Variants in HERC5 observed in about 807,000 individuals in gnomAD.
HERC5 encodes the protein HECT and RLD domain containing E3 ubiquitin protein ligase 5, also known as E3 ISG15--protein ligase HERC5.
Under a neutral mutation model 119.6 loss-of-function variants are expected in HERC5, and 99 were observed. That is an observed-to-expected ratio of 0.83 (90% CI 0.70 to 0.98). HERC5 has a LOEUF of 0.98. Ranked by LOEUF, HERC5 falls within the 50% of genes least tolerant of loss-of-function variation. HERC5 has a pLI of 0.00. For missense variants in HERC5, 1,267 were observed against 1,241.3 expected (o/e 1.02, Z -0.31); for synonymous variants, 478 against 445.9 (o/e 1.07, Z -0.91).
chr4:88,462,875 G>C (rs1027655054), intron 4 of HERC5, among the ~76,000 whole-genome samples: 13 of 152,136 alleles, frequency 8.5e-5, no homozygotes, highest in African/African-American at 3.1e-4. Context: ...ATTGAACAAA[G>C]CTGATGGTGA....
intron 13 of HERC5, among the ~76,000 whole-genome samples, chr4:88,485,227 G>T (rs866051474): frequency 1.3e-5 from 2 of 152,186 alleles, no homozygotes; most frequent in African/African-American, 2.4e-5. Context: ...TCCTTTGACC[G>T]TAATAGATAA....
intron 1 of HERC5, among the ~76,000 whole-genome samples, chr4:88,459,107 G>A (rs1740310688): frequency 6.6e-6 from 1 of 152,112 alleles, no homozygotes. Flanking sequence ...TTAAGGGTAT[G>A]TTCCATTTAC....
chr4:88,468,202 T>G, intron 7 of HERC5, 144 bp from the exon 8 acceptor site: 1 of 595,004 alleles, frequency 1.7e-6, no homozygotes, highest in Non-Finnish European at 2.8e-6. Context: ...TTCAGCTGCT[T>G]AATTGGCAGA....
Position 88,493,133 on chromosome 4 carries a change from C to G in HERC5, c.2255C>G (p.Ser752Cys). 6.2e-7 allele frequency: 1 copy of G among 1,613,738 alleles called. No individual in the cohort carries two copies. The highest frequency in any genetic ancestry group is 8.5e-7 in the Non-Finnish European group (1 of 1,179,848). The change falls in exon 17 of 23, where the codon TCC becomes TGC. Residue 752 changes from serine (S) to cysteine (C), a missense_variant. Around this residue, in one of 3 missense-constraint regions of HERC5, gnomAD observed 473 missense variants for 445.7 expected, o/e 1.06. Transcript: ENST00000264350. ...YGMFMYPEGA[S>C]CMWFPVKPKF... Reference sequence around the variant, plus strand: ...ATGTTCATGTATCCTGAAGGGGCTTCCTGCATGTGGTTTCCTGTCAAGGTA... The same window carrying G: ...ATGTTCATGTATCCTGAAGGGGCTTGCTGCATGTGGTTTCCTGTCAAGGTA...
intron 22 of HERC5, 142 bp downstream of exon 22, chr4:88,504,739 C>T (rs1742056649): frequency 2.3e-6 from 1 of 433,204 alleles, no homozygotes; most frequent in Non-Finnish European, 4.2e-6. Context: ...TGTGTCCCAA[C>T]ATCAAAAAAC....
At chr4:88,504,105 C>A in intron 20 of HERC5, 127 bp from the exon 21 acceptor site, 2 of 558,162 alleles carry the variant, frequency 3.6e-6, no homozygotes, top group Non-Finnish European at 6.3e-6. Flanking sequence ...TCTCTAGTAA[C>A]TATGACAGTC....
intron 13 of HERC5, among the ~76,000 whole-genome samples, chr4:88,479,899 C>T (rs1291339954): frequency 6.6e-6 from 1 of 151,974 alleles, no homozygotes; most frequent in Non-Finnish European, 1.5e-5. Flanking sequence ...AACCCCGTCT[C>T]TATTAAAAAT....
At chr4:88,505,572 T>C in intron 22 of HERC5, 101 bp from the exon 23 acceptor site, 1 of 679,836 alleles carries the variant, frequency 1.5e-6, no homozygotes. Flanking sequence ...ACACTGCACA[T>C]GGGCTCCAGT....
chr4:88,491,151 G>A (rs908847046), intron 16 of HERC5, among the ~76,000 whole-genome samples: 30 of 152,158 alleles, frequency 2.0e-4, no homozygotes, highest in African/African-American at 7.0e-4. Context: ...GTAAGAAGAG[G>A]GGGAAGGGTT....
intron 13 of HERC5, among the ~76,000 whole-genome samples, chr4:88,482,029 C>G (rs1035143300): frequency 1.3e-5 from 2 of 152,150 alleles, no homozygotes; most frequent in Non-Finnish European, 2.9e-5. Context: ...TGGTGGCTTG[C>G]TGGGTGTGGT....
chr4:88,472,921 C>CTT (rs775630233), intron 11 of HERC5: 2 of 128,158 alleles, frequency 1.6e-5, no homozygotes, highest in Non-Finnish European at 3.4e-5. Flanking sequence ...TGCCTGGATT[C>CTT]TTTTTTTTTT....
In HERC5 at chr4:88,467,132, G is replaced by C; in HGVS notation, c.985G>C (p.Gly329Arg). 1.2e-6 allele frequency: 2 copies of C among 1,614,192 alleles called. No individual in the cohort carries two copies. The highest frequency in any genetic ancestry group is 2.2e-5 in the South Asian group (2 of 91,088). The change falls in exon 7 of 23, where the codon GGA becomes CGA. Residue 329 changes from glycine to arginine, a missense_variant. Coordinates refer to ENST00000264350, the MANE Select transcript of HERC5 (RefSeq NM_016323.4). Reference sequence around the variant, plus strand: ...TGGTTCTGGAAAAGATGGACAACTGGGAAATGGTGGAACACGTGACCAGCT... The same window carrying C: ...TGGTTCTGGAAAAGATGGACAACTGCGAAATGGTGGAACACGTGACCAGCT... Reference protein sequence around the residue: ...SFGSGKDGQLGNGGTRDQLMP... With the variant: ...SFGSGKDGQLRNGGTRDQLMP...
intron 6 of HERC5, among the ~76,000 whole-genome samples, chr4:88,464,708 C>A (rs1040108868): frequency 6.6e-6 from 1 of 151,922 alleles, no homozygotes; most frequent in African/African-American, 2.4e-5. Context: ...CCCACCTCAG[C>A]CTCTGGAATA....
chr4:88,458,132 G>A (rs888496713), intron 1 of HERC5: 10 of 945,348 alleles, frequency 1.1e-5, no homozygotes, highest in Middle Eastern at 5.3e-4. Flanking sequence ...TCTTTGCCTG[G>A]CTTTTAGAAA....
At position 88,505,761 on chromosome 4, in the gene HERC5, A is replaced by G; in HGVS notation, c.2958A>G (p.Arg986=). 1 of 1,607,496 alleles carries G rather than the reference A, an allele frequency of 6.2e-7. No individual in the cohort carries two copies. Among genetic ancestry groups the G allele is most frequent in the Non-Finnish European group, 8.5e-7 (1 of 1,174,008 alleles). Residue 986 remains arginine (R), a synonymous_variant, in exon 23 of 23, where the codon AGA becomes AGG. Transcript: ENST00000264350. ...TFCCPESWNE[R]DPIRALTCFS... ...GCTGTCCTGAAAGTTGGAATGAAAG[A>G]GACCCTATAAGAGCACTGACATGTT...
chr4:88,464,096 A>G (rs1182229097), intron 6 of HERC5, 111 bp downstream of exon 6: 3 of 822,140 alleles, frequency 3.6e-6, no homozygotes, highest in Non-Finnish European at 5.4e-6. Flanking sequence ...TTTTCAAATC[A>G]GTGAAAATGC....
In HERC5 at chr4:88,479,481, C is replaced by A. The variant is rs1336838966; in HGVS notation, c.1711C>A (p.Leu571Ile). Residue 571 changes from leucine (L) to isoleucine (I), a missense_variant, in exon 13 of 23, where the codon CTA (leucine) becomes ATA (isoleucine). By Grantham distance (5) the Leu-to-Ile change is conservative. Coordinates refer to ENST00000264350, the MANE Select transcript of HERC5 (RefSeq NM_016323.4). ...AEENGNVQAL[L>I]EMLKKLHRVN... Reference sequence around the variant, plus strand: ...GGAGAATGGTAATGTTCAAGCTCTCCTAGAAATGTTGAAGAAGCTGCACAG... The same window carrying A: ...GGAGAATGGTAATGTTCAAGCTCTCATAGAAATGTTGAAGAAGCTGCACAG... The A allele has an allele frequency of 6.2e-7, 1 of 1,605,422 alleles. No homozygotes were observed. Among genetic ancestry groups the A allele is most frequent in the African/African-American group, 1.3e-5 (1 of 74,280 alleles).
chr4:88,468,383 T>C lies in HERC5; in HGVS notation c.1095T>C (p.Ala365=). The C allele has an allele frequency of 6.2e-7, 1 of 1,612,256 alleles. No individual in the cohort carries two copies. Among genetic ancestry groups the C allele is most frequent in the Non-Finnish European group, 8.5e-7 (1 of 1,178,934 alleles). The part of the protein sequence containing the change: ...HTSEKELIMI[A]GGNQSILLWI... ...CAGAAAAGGAGTTAATAATGATTGCTGGAGGGAATCAAAGCATTTTGCTCT... is the reference window on the plus strand; with the variant it reads ...CAGAAAAGGAGTTAATAATGATTGCCGGAGGGAATCAAAGCATTTTGCTCT... The change falls in exon 8 of 23, where the codon GCT becomes GCC. Residue 365 remains alanine, a synonymous_variant. Coordinates refer to ENST00000264350, the MANE Select transcript of HERC5 (RefSeq NM_016323.4).
At chr4:88,479,299 A>AG in intron 12 of HERC5, 54 bp from the exon 13 acceptor site, 1 of 1,451,704 alleles carries the variant, frequency 6.9e-7, no homozygotes, top group Non-Finnish European at 9.2e-7. Context: ...AAAAAAAAAA[A>AG]AAAGCACAAT....
Sources: gnomAD v4.1 joint callset for allele counts (sites outside exome capture counted in the v4.1 genomes callset) on GRCh38, gnomAD v4.1.1 for gene constraint, gnomAD v4.1.1 regional missense constraint, MANE v1.5 for transcripts, NCBI Gene and HGNC (gene_info 2026-07-23, HGNC 2026-07-21) for gene names.